PTPRN2: variants seen among roughly 807,000 people sequenced by gnomAD.
The protein encoded by PTPRN2 is receptor-type tyrosine-protein phosphatase N2.
Under a neutral mutation model 118.8 loss-of-function variants are expected in PTPRN2, and 74 were observed. The ratio of observed to expected loss-of-function variants is 0.62; its 90% CI spans 0.52 to 0.76. The LOEUF (loss-of-function observed/expected upper bound fraction) is 0.76. Ranked by LOEUF, PTPRN2 falls within the 30% of genes least tolerant of loss-of-function variation. PTPRN2 has a pLI of 0.00. For synonymous variants in PTPRN2, 641 were observed against 608.0 expected, an observed-to-expected ratio of 1.05 and a Z score of -0.80; for missense variants, 1,481 against 1,394.4, an observed-to-expected ratio of 1.06 and a Z score of -0.99.
chr7:158,206,742 T>C (rs1211428528), intron 3 of PTPRN2, among the ~76,000 whole-genome samples: 3 of 152,082 alleles, frequency 2.0e-5, no homozygotes, highest in East Asian at 3.8e-4. Flanking sequence ...CTAATGCAGA[T>C]ATGGCTGCAG....
At chr7:157,620,376 C>T (rs182707243) in intron 15 of PTPRN2, among the ~76,000 whole-genome samples, 17 of 152,292 alleles carry the variant, frequency 1.1e-4, no homozygotes, top group Admixed American at 3.3e-4. Context: ...GAGAGTCACT[C>T]GGAGAACTGC....
intron 12 of PTPRN2, among the ~76,000 whole-genome samples, chr7:157,693,717 G>A (rs1393597634): frequency 6.6e-6 from 1 of 152,156 alleles, no homozygotes; most frequent in Admixed American, 6.5e-5. Flanking sequence ...GGCCAGAGGG[G>A]CCCTGGCGCA....
At chr7:157,654,328 G>T (rs868624797) in intron 14 of PTPRN2, among the ~76,000 whole-genome samples, 1 of 145,322 alleles carries the variant, frequency 6.9e-6, no homozygotes, top group African/African-American at 2.5e-5. Flanking sequence ...CACTGTGCCC[G>T]CCGCTCCCCA....
chr7:158,148,056 A>C (rs67121112), intron 6 of PTPRN2, among the ~76,000 whole-genome samples: 3 of 1,154 alleles, frequency 2.6e-3, no homozygotes, highest in East Asian at 0.014. Context: ...TTCCCCCTCA[A>C]TGACACCCCA....
intron 3 of PTPRN2, among the ~76,000 whole-genome samples, chr7:158,216,244 C>CATT (rs1827946418): frequency 6.6e-6 from 1 of 151,730 alleles, no homozygotes; most frequent in Admixed American, 6.6e-5. Flanking sequence ...CACTCAAAAA[C>CATT]ATAGATAAAG....
At position 157,596,161 on chromosome 7, in the gene PTPRN2, C is replaced by T. The variant is rs1241172334; in HGVS notation, c.2419-846G>A. On this transcript the variant is annotated intron_variant, in intron 16 of 22. Coordinates refer to ENST00000389418, the MANE Select transcript of PTPRN2 (RefSeq NM_002847.5). This position sits in a 1 kb window ranked among gnomAD's most constrained non-coding sequence, Gnocchi z 4.2. Reference sequence around the variant, plus strand: ...CAGGCCTCATGGACAAACTTGCCAGCGTCCTGGGAGAACGAACTAGCGCTA... The same window carrying T: ...CAGGCCTCATGGACAAACTTGCCAGTGTCCTGGGAGAACGAACTAGCGCTA... Among the ~76,000 whole-genome samples, 3 of 152,210 alleles carry T rather than the reference C, an allele frequency of 2.0e-5. No individual in the cohort carries two copies. Among genetic ancestry groups the T allele is most frequent in the African/African-American group, 2.4e-5 (1 of 41,450 alleles).
At chr7:158,420,097 T>C (rs1815122281) in intron 2 of PTPRN2, among the ~76,000 whole-genome samples, 1 of 152,160 alleles carries the variant, frequency 6.6e-6, no homozygotes, top group South Asian at 2.1e-4. Context: ...CACATTTGTG[T>C]CCAGCACAAC....
chr7:157,847,010 G>A (rs55925505), intron 12 of PTPRN2, among the ~76,000 whole-genome samples: 3 of 150,758 alleles, frequency 2.0e-5, no homozygotes, highest in African/African-American at 7.4e-5. Context: ...TGTTTACAGA[G>A]CCCTCCCTCA....
chr7:157,786,246 A>C (rs1337376016), intron 12 of PTPRN2, among the ~76,000 whole-genome samples: 1 of 152,200 alleles, frequency 6.6e-6, no homozygotes, highest in East Asian at 1.9e-4. Flanking sequence ...GGTACCGTTC[A>C]CGTATCCTGG....
At chr7:157,717,648 A>G (rs1341434255) in intron 12 of PTPRN2, among the ~76,000 whole-genome samples, 1 of 152,264 alleles carries the variant, frequency 6.6e-6, no homozygotes, top group Non-Finnish European at 1.5e-5. Context: ...CTCTCAGGCC[A>G]GGCAGCGGCC....
At chr7:158,457,769 C>T (rs376221322) in intron 2 of PTPRN2, among the ~76,000 whole-genome samples, 14 of 147,760 alleles carry the variant, frequency 9.5e-5, no homozygotes, top group Admixed American at 6.6e-4. Context: ...GGGAACACAG[C>T]GGATGCGCGG....
At chr7:157,725,569 G>GC (rs1563042604) in intron 12 of PTPRN2, among the ~76,000 whole-genome samples, 4 of 125,468 alleles carry the variant, frequency 3.2e-5, no homozygotes, top group African/African-American at 1.4e-4. Flanking sequence ...GCAGAGGAGT[G>GC]AGCCAGACCC....
chr7:158,201,056 G>GT (rs112552696), intron 4 of PTPRN2, among the ~76,000 whole-genome samples: 69,673 of 149,250 alleles, frequency 0.47, 17,431 homozygotes, highest in African/African-American at 0.67. Context: ...AAAAAAAAGT[G>GT]GTTTTTTTTT....
At chr7:158,380,771 G>A (rs942074063) in intron 2 of PTPRN2, among the ~76,000 whole-genome samples, 1 of 152,222 alleles carries the variant, frequency 6.6e-6, no homozygotes, top group African/African-American at 2.4e-5. Context: ...TTCTCCATGA[G>A]GGCCCCACCC....
intron 12 of PTPRN2, among the ~76,000 whole-genome samples, chr7:157,731,311 T>C (rs1799886524): frequency 6.6e-6 from 1 of 152,182 alleles, no homozygotes; most frequent in African/African-American, 2.4e-5. Flanking sequence ...CCTAGTTGCA[T>C]CGTGTGACAA....
At chr7:158,146,700 G>A (rs191367083) in intron 6 of PTPRN2, among the ~76,000 whole-genome samples, 14 of 141,986 alleles carry the variant, frequency 9.9e-5, no homozygotes, top group East Asian at 6.0e-4. Context: ...CAGCCTGGGC[G>A]ACAGAGCGAG....
At chr7:158,403,915 GT>G (rs1181558364) in intron 2 of PTPRN2, among the ~76,000 whole-genome samples, 2 of 152,166 alleles carry the variant, frequency 1.3e-5, no homozygotes, top group Non-Finnish European at 2.9e-5. Context: ...AGGTAATGAG[GT>G]TTAAAATGTA....
intron 3 of PTPRN2, among the ~76,000 whole-genome samples, chr7:158,258,865 G>A (rs918215554): frequency 3.3e-5 from 5 of 152,202 alleles, no homozygotes; most frequent in Non-Finnish European, 7.3e-5. Context: ...CTGCAGCCAC[G>A]CGAGGTCTGT....
chr7:157,807,388 T>A (rs1428934777), intron 12 of PTPRN2, among the ~76,000 whole-genome samples: 1 of 152,090 alleles, frequency 6.6e-6, no homozygotes, highest in Non-Finnish European at 1.5e-5. Flanking sequence ...CGAGTGTGGG[T>A]TCAGAGAGCA....
Sources: allele counts gnomAD v4.1 joint callset (sites outside exome capture counted in the v4.1 genomes callset), GRCh38; gene constraint gnomAD v4.1.1; non-coding constraint Gnocchi (gnomAD v3.1); transcripts MANE v1.5; gene names NCBI Gene and HGNC (gene_info 2026-07-23, HGNC 2026-07-21).